Variants in ARFGEF3 observed in about 807,000 individuals in gnomAD.
ARFGEF3 encodes ARFGEF family member 3, also known as brefeldin A-inhibited guanine nucleotide-exchange protein 3.
A neutral mutation model predicts 221.7 loss-of-function variants in ARFGEF3; 96 were observed. The ratio of observed to expected loss-of-function variants is 0.43; its 90% CI spans 0.37 to 0.51. The LOEUF (loss-of-function observed/expected upper bound fraction) is 0.51. Among genes scored for constraint, ARFGEF3 ranks in the 20% least tolerant of loss-of-function variants. ARFGEF3 has a pLI of 0.00. For synonymous variants in ARFGEF3, 1,145 were observed against 1,126.8 expected (o/e 1.02, Z -0.32); for missense variants, 2,410 against 2,789.9 (o/e 0.86, Z 3.07).
chr6:138,189,343 G>A (rs772463872), intron 2 of ARFGEF3, among the ~76,000 whole-genome samples: 5 of 152,140 alleles, frequency 3.3e-5, no homozygotes, highest in South Asian at 2.1e-4. Context: ...TGAACCATGC[G>A]GAAGGTTTTA....
intron 6 of ARFGEF3, among the ~76,000 whole-genome samples, chr6:138,240,319 C>G (rs1201583844): frequency 6.6e-6 from 1 of 152,134 alleles, no homozygotes; most frequent in Non-Finnish European, 1.5e-5. Flanking sequence ...TGATCAAACA[C>G]TATATTAATA....
intron 10 of ARFGEF3, among the ~76,000 whole-genome samples, chr6:138,257,797 C>G (rs1346994943): frequency 6.6e-6 from 1 of 152,212 alleles, no homozygotes; most frequent in African/African-American, 2.4e-5. Context: ...ATAGGTAAAT[C>G]ATTTAACTCT....
chr6:138,336,190 C>A, intron 33 of ARFGEF3, 105 bp from the exon 34 acceptor site: 1 of 831,218 alleles, frequency 1.2e-6, no homozygotes, highest in Non-Finnish European at 1.8e-6. Flanking sequence ...TTTATTGCAA[C>A]TAAAGCCTGG....
chr6:138,281,746 G>A (rs559142413), intron 14 of ARFGEF3, among the ~76,000 whole-genome samples: 3 of 152,228 alleles, frequency 2.0e-5, no homozygotes, highest in African/African-American at 4.8e-5. Flanking sequence ...AGAGTGTAGA[G>A]AGCAGTATGC....
intron 6 of ARFGEF3, among the ~76,000 whole-genome samples, chr6:138,241,360 A>G (rs547959727): frequency 3.3e-5 from 5 of 152,102 alleles, no homozygotes; most frequent in Non-Finnish European, 7.4e-5. Flanking sequence ...TTTTTCTTCA[A>G]ACATTCACCT....
intron 5 of ARFGEF3, among the ~76,000 whole-genome samples, chr6:138,230,182 C>T (rs757000666): frequency 6.6e-6 from 1 of 152,030 alleles, no homozygotes; most frequent in African/African-American, 2.4e-5. Context: ...CATTGAAAAG[C>T]ATTTGATTTA....
At chr6:138,263,747 G>C (rs1778834945) in intron 12 of ARFGEF3, 136 bp downstream of exon 12, 1 of 822,280 alleles carries the variant, frequency 1.2e-6, no homozygotes, top group Admixed American at 2.9e-5. Flanking sequence ...CCAGTTTAAA[G>C]AGGGCGAAGA....
intron 26 of ARFGEF3, among the ~76,000 whole-genome samples, chr6:138,314,822 TA>T (rs1779891521): frequency 6.6e-6 from 1 of 152,238 alleles, no homozygotes; most frequent in South Asian, 2.1e-4. Context: ...ATTCAAACCG[TA>T]GCATAGATCA....
At chr6:138,176,707 A>G (rs1436973326) in intron 2 of ARFGEF3, among the ~76,000 whole-genome samples, 1 of 151,276 alleles carries the variant, frequency 6.6e-6, no homozygotes, top group Non-Finnish European at 1.5e-5. Flanking sequence ...GCTTTATAAG[A>G]CCTGTGAGCT....
chr6:138,208,275 C>T (rs4896332), intron 3 of ARFGEF3, among the ~76,000 whole-genome samples: 12,658 of 151,998 alleles, frequency 0.083, 839 homozygotes, highest in East Asian at 0.37. Context: ...CTCCTCTTAA[C>T]TTTAGGCATA....
At chr6:138,199,669 C>A (rs895942658) in intron 2 of ARFGEF3, among the ~76,000 whole-genome samples, 5 of 152,114 alleles carry the variant, frequency 3.3e-5, no homozygotes, top group South Asian at 4.1e-4. Context: ...TGATTTGATT[C>A]TCCACTTGGT....
At chr6:138,194,974 T>C (rs991125569) in intron 2 of ARFGEF3, among the ~76,000 whole-genome samples, 2 of 150,252 alleles carry the variant, frequency 1.3e-5, no homozygotes, top group African/African-American at 4.9e-5. Flanking sequence ...TCAAACTAAC[T>C]TCACCTTTTC....
At chr6:138,219,415 G>C (rs759016548) in intron 4 of ARFGEF3, among the ~76,000 whole-genome samples, 3 of 152,104 alleles carry the variant, frequency 2.0e-5, no homozygotes, top group Non-Finnish European at 4.4e-5. Flanking sequence ...AGGTGAGGAG[G>C]GGGAGGATGG....
chr6:138,336,275 T>G lies in ARFGEF3; in HGVS notation c.6343-20T>G. On this transcript the variant is annotated intron_variant, in intron 33 of 33. Transcript: ENST00000251691. ...AACCAGGGGGGAAAGCCACTGATTT[T>G]CTTAAATCTTTTCTCTTAGGCATGG... is the stretch of plus-strand genomic sequence containing the variant. 1 of 1,486,226 alleles carries G rather than the reference T, an allele frequency of 6.7e-7. No homozygotes were observed. The highest frequency in any genetic ancestry group is 1.4e-5 in the South Asian group (1 of 71,654). 92.1% of individuals were successfully genotyped at this position (1,486,226 alleles called of 1,614,324 possible).
At chr6:138,194,097 G>A (rs113718088) in intron 2 of ARFGEF3, among the ~76,000 whole-genome samples, 22 of 152,066 alleles carry the variant, frequency 1.4e-4, no homozygotes, top group Middle Eastern at 3.4e-3. Flanking sequence ...ATGAAACCCC[G>A]TCTCTACTAA....
Position 138,162,149 on chromosome 6 carries a change from G to A in ARFGEF3, c.63G>A (p.Lys21=). 1 of 1,603,664 alleles carries A rather than the reference G, an allele frequency of 6.2e-7. No homozygotes were observed. The highest frequency in any genetic ancestry group is 8.5e-7 in the Non-Finnish European group (1 of 1,174,750). Residue 21 remains lysine, a synonymous_variant, in exon 1 of 34, where the codon AAG becomes AAA. Transcript: ENST00000251691. The surrounding 1 kb of genome is among the most constrained non-coding windows in gnomAD (Gnocchi z 4.7). ...EASGSKYKAI[K]ESCTWALETL... ...CCGGGAGCAAGTACAAAGCCATCAA[G>A]GAGAGCTGCACCTGGGCCCTGGGTA...
chr6:138,253,432 A>G (rs570255442), intron 8 of ARFGEF3, among the ~76,000 whole-genome samples: 4 of 152,192 alleles, frequency 2.6e-5, no homozygotes, highest in Non-Finnish European at 4.4e-5. Flanking sequence ...CTGTACATTC[A>G]AGATCAAGGC....
intron 2 of ARFGEF3, among the ~76,000 whole-genome samples, chr6:138,180,204 C>T (rs1329717601): frequency 6.6e-6 from 1 of 152,156 alleles, no homozygotes; most frequent in Non-Finnish European, 1.5e-5. Context: ...AGCAAATACC[C>T]CAATAGCTGT....
rs1485090472 is a variant in ARFGEF3, at chr6:138,341,713, G to A, written c.*5227G>A. 6.6e-6 allele frequency: 1 copy of A among 152,164 alleles called. No individual in the cohort carries two copies. The highest frequency in any genetic ancestry group is 1.5e-5 in the Non-Finnish European group (1 of 68,020). The allele number at this position is 152,164 out of a possible 1,614,324, so 9.4% of individuals were successfully genotyped here. A position where few individuals can be genotyped will look rare whatever the true frequency, so the allele number is the denominator to read the frequency against. On this transcript the variant is annotated 3_prime_UTR_variant, in exon 34 of 34. Coordinates refer to ENST00000251691, the MANE Select transcript of ARFGEF3 (RefSeq NM_020340.5). The stretch of plus-strand genomic sequence containing the variant: ...TTTGGAAGATCCTCTTTCCCTGGCT[G>A]TATTGTAGTGTTTGCTATTTGATGT...
Sources: allele counts gnomAD v4.1 joint callset (sites outside exome capture counted in the v4.1 genomes callset), GRCh38; gene constraint gnomAD v4.1.1; non-coding constraint Gnocchi (gnomAD v3.1); transcripts MANE v1.5; gene names NCBI Gene and HGNC (gene_info 2026-07-23, HGNC 2026-07-21).